The following MAN1A1 variants were observed in gnomAD, a reference collection of about 807,000 sequenced individuals.
The protein encoded by MAN1A1 is mannosyl-oligosaccharide 1,2-alpha-mannosidase IA.
MAN1A1 carries 29 observed loss-of-function variants against 70.8 expected under a neutral mutation model. That is an observed-to-expected ratio of 0.41 (90% CI 0.31 to 0.56). MAN1A1 has a LOEUF of 0.56. MAN1A1 is among the 20% of genes least tolerant of loss of function. The pLI is 0.29. For synonymous variants in MAN1A1, 349 were observed against 330.1 expected (o/e 1.06, Z -0.62); for missense variants, 747 against 841.3 (o/e 0.89, Z 1.39).
At chr6:119,203,444 T>C (rs570957637) in intron 7 of MAN1A1, among the ~76,000 whole-genome samples, 2 of 151,336 alleles carry the variant, frequency 1.3e-5, no homozygotes, top group East Asian at 3.9e-4. Context: ...TGTCAGCAGG[T>C]AGAGGAGAGG....
intron 2 of MAN1A1, among the ~76,000 whole-genome samples, chr6:119,313,205 A>C (rs554425952): frequency 3.9e-5 from 6 of 152,304 alleles, no homozygotes; most frequent in Non-Finnish European, 5.9e-5. Flanking sequence ...GCCTTCACAA[A>C]GACTGCCTGC....
chr6:119,204,244 C>T (rs779751320), intron 7 of MAN1A1, among the ~76,000 whole-genome samples: 8 of 152,066 alleles, frequency 5.3e-5, no homozygotes, highest in Non-Finnish European at 1.2e-4. Flanking sequence ...GTTCAAGAGA[C>T]TTGAAAAGTA....
At chr6:119,332,263 T>C (rs1203093693) in intron 2 of MAN1A1, among the ~76,000 whole-genome samples, 1 of 152,128 alleles carries the variant, frequency 6.6e-6, no homozygotes, top group African/African-American at 2.4e-5. Context: ...TCCTTAATTA[T>C]ATATAATAAC....
Position 119,348,707 on chromosome 6 carries a change from T to C in MAN1A1, c.359A>G (p.Asn120Ser), listed in dbSNP as rs777568929. The change falls in exon 2 of 13, where the codon AAC becomes AGC. Residue 120 changes from asparagine to serine, a missense_variant. By Grantham distance (46) the Asn-to-Ser change is conservative. Coordinates refer to ENST00000368468, the MANE Select transcript of MAN1A1 (RefSeq NM_005907.4). Reference sequence around the variant, plus strand: ...GTGGTTTTCGCGGATCCTGGCCAAGTTGTCCTCCAGGGCGGCCTCCGGGTC... The same window carrying C: ...GTGGTTTTCGCGGATCCTGGCCAAGCTGTCCTCCAGGGCGGCCTCCGGGTC... ...PGDPEAALEDNLARIRENHER... is the reference protein window; with the variant it reads ...PGDPEAALEDSLARIRENHER... 70 of 1,606,150 alleles carry C rather than the reference T, an allele frequency of 4.4e-5. No homozygotes were observed. Among genetic ancestry groups the C allele is most frequent in the Admixed American group, 3.7e-4 (22 of 59,082 alleles).
chr6:119,232,332 C>T (rs556174239), intron 6 of MAN1A1, among the ~76,000 whole-genome samples: 9 of 143,474 alleles, frequency 6.3e-5, no homozygotes, highest in African/African-American at 2.3e-4. Flanking sequence ...AAGATTACAC[C>T]ACTGCACTCC....
chr6:119,236,047 G>A lies in MAN1A1; in HGVS notation c.992+12213C>T, dbSNP rs538130623. Among the ~76,000 whole-genome samples the A allele has an allele frequency of 2.4e-4, 36 of 151,260 alleles. No homozygotes were observed. The East Asian group carries it at 6.3e-3, about 26-fold the overall frequency. ...CCTGCTACTCAGGAGGCTGAGTCAG[G>A]AGAATTGCTTGAACCAGGGAGGTGG... On this transcript the variant is annotated intron_variant, in intron 6 of 12. Coordinates refer to ENST00000368468, the MANE Select transcript of MAN1A1 (RefSeq NM_005907.4).
chr6:119,217,389 C>T (rs895092796), intron 6 of MAN1A1, among the ~76,000 whole-genome samples: 2 of 152,128 alleles, frequency 1.3e-5, no homozygotes, highest in Non-Finnish European at 2.9e-5. Flanking sequence ...TCAAGCAATT[C>T]CCCTGCCTCA....
Position 119,258,713 on chromosome 6 carries a change from G to C in MAN1A1, c.898-10359C>G, listed in dbSNP as rs1322947770. The stretch of plus-strand genomic sequence containing the variant: ...GTTAACTGAACCTCATCTCTGAAGA[G>C]CATCAAAATATTTATAGTTTAATAA... On this transcript the variant is annotated intron_variant, in intron 5 of 12. Transcript: ENST00000368468. 2.6e-5 allele frequency among the ~76,000 whole-genome samples: 4 copies of C among 152,034 alleles called. No individual in the cohort carries two copies. In the East Asian group the frequency reaches 7.7e-4, roughly 29 times the overall value.
chr6:119,262,836 A>C (rs2114356923), intron 5 of MAN1A1, among the ~76,000 whole-genome samples: 1 of 152,320 alleles, frequency 6.6e-6, no homozygotes, highest in East Asian at 1.9e-4. Flanking sequence ...ACTGAGTGTC[A>C]ACTTGATTGG....
At chr6:119,265,973 T>C (rs1047675546) in intron 5 of MAN1A1, among the ~76,000 whole-genome samples, 1 of 152,126 alleles carries the variant, frequency 6.6e-6, no homozygotes, top group Admixed American at 6.5e-5. Context: ...ATATCAGCAA[T>C]GGACAAGTGG....
intron 1 of MAN1A1, 75 bp downstream of exon 1, chr6:119,349,467 G>T: frequency 1.1e-6 from 1 of 942,342 alleles, no homozygotes; most frequent in Non-Finnish European, 1.3e-6. Context: ...ATCAGGTCCC[G>T]TGGGTAGGGG....
Position 119,290,034 on chromosome 6 carries a change from A to G in MAN1A1, c.897+649T>C, listed in dbSNP as rs916664458. Among the ~76,000 whole-genome samples, 11 of 152,170 alleles carry G rather than the reference A, an allele frequency of 7.2e-5. No individual in the cohort carries two copies. The East Asian group carries it at 1.9e-3, about 27-fold the overall frequency. On this transcript the variant is annotated intron_variant, in intron 5 of 12. Transcript: ENST00000368468. ...AACGATATTCATAAAGTTGTCCAAA[A>G]CCTTTCAAGAAAATAGCATCAGTGA...
intron 5 of MAN1A1, among the ~76,000 whole-genome samples, chr6:119,261,138 C>T (rs1775601508): frequency 6.6e-6 from 1 of 151,792 alleles, no homozygotes; most frequent in Non-Finnish European, 1.5e-5. Flanking sequence ...GCCACCATGC[C>T]CGGCTAATTT....
At chr6:119,309,358 C>T (rs1772638977) in intron 2 of MAN1A1, among the ~76,000 whole-genome samples, 1 of 152,128 alleles carries the variant, frequency 6.6e-6, no homozygotes, top group Non-Finnish European at 1.5e-5. Flanking sequence ...ATATTTGAAA[C>T]ATCAAAAGGC....
At chr6:119,194,770 T>A (rs1440667923) in intron 8 of MAN1A1, among the ~76,000 whole-genome samples, 2 of 152,164 alleles carry the variant, frequency 1.3e-5, no homozygotes, top group Non-Finnish European at 1.5e-5. Flanking sequence ...CTGCCATTTA[T>A]CATGCCAGAT....
At chr6:119,223,295 T>C (rs965372466) in intron 6 of MAN1A1, among the ~76,000 whole-genome samples, 3 of 152,168 alleles carry the variant, frequency 2.0e-5, no homozygotes, top group Non-Finnish European at 2.9e-5. Flanking sequence ...AAGCATAGCC[T>C]ATGCAGTTTA....
chr6:119,350,549 TC>T, upstream of MAN1A1: 1 of 985,442 alleles, frequency 1.0e-6, no homozygotes. Context: ...GGTCAAATTT[TC>T]CATTCGAAGA....
intron 11 of MAN1A1, among the ~76,000 whole-genome samples, chr6:119,186,803 G>A (rs1049648951): frequency 2.0e-4 from 31 of 152,116 alleles, no homozygotes; most frequent in African/African-American, 1.9e-4. Context: ...AAAAACGTGC[G>A]GCCATGCCTT....
intron 2 of MAN1A1, among the ~76,000 whole-genome samples, chr6:119,320,762 T>C (rs1772982630): frequency 6.6e-6 from 1 of 152,180 alleles, no homozygotes; most frequent in African/African-American, 2.4e-5. Context: ...ATCAAATAAA[T>C]TATTCAAGTA....
Sources: gnomAD v4.1 joint callset for allele counts (sites outside exome capture counted in the v4.1 genomes callset) on GRCh38, gnomAD v4.1.1 for gene constraint, MANE v1.5 for transcripts, NCBI Gene and HGNC (gene_info 2026-07-23, HGNC 2026-07-21) for gene names.